ABCB7: variants seen among roughly 807,000 people sequenced by gnomAD.
ABCB7 encodes the protein ATP binding cassette subfamily B member 7.
ABCB7 carries 7 observed loss-of-function variants against 54.4 expected under a neutral mutation model. The ratio of observed to expected loss-of-function variants is 0.13; its 90% CI spans 0.07 to 0.24. ABCB7 has a LOEUF of 0.24. Ranked by LOEUF, ABCB7 falls within the 10% of genes least tolerant of loss-of-function variation. The pLI, the probability that ABCB7 is intolerant of heterozygous loss-of-function variation, is 1.00. For missense variants in ABCB7, 356 were observed against 570.4 expected, an observed-to-expected ratio of 0.62 and a Z score of 3.83; for synonymous variants, 218 against 207.1, an observed-to-expected ratio of 1.05 and a Z score of -0.45.
intron 1 of ABCB7, among the ~76,000 whole-genome samples, chrX:75,133,268 A>G (rs2081987646): frequency 8.9e-6 from 1 of 112,294 alleles, no homozygotes; most frequent in Non-Finnish European, 1.9e-5. Flanking sequence ...AAATTAACTC[A>G]GTTACACAAA....
chrX:75,083,550 G>C (rs1442264057), intron 4 of ABCB7, among the ~76,000 whole-genome samples: 1 of 110,942 alleles, frequency 9.0e-6, no homozygotes, highest in Non-Finnish European at 1.9e-5. Context: ...ACATCATCAG[G>C]CTTCTTTGAT....
chrX:75,121,093 A>G (rs952132834), intron 1 of ABCB7, among the ~76,000 whole-genome samples: 1 of 109,990 alleles, frequency 9.1e-6, no homozygotes, highest in African/African-American at 3.3e-5. Context: ...GTTTGAGACC[A>G]GCCTGGCCAA....
intron 4 of ABCB7, among the ~76,000 whole-genome samples, chrX:75,082,686 A>T (rs1156454528): frequency 8.9e-6 from 1 of 111,856 alleles, no homozygotes; most frequent in African/African-American, 3.2e-5. Flanking sequence ...TTGTAAATAT[A>T]AAGGGGGAAG....
intron 4 of ABCB7, among the ~76,000 whole-genome samples, chrX:75,098,360 AT>A: frequency 9.1e-6 from 1 of 110,177 alleles, no homozygotes; most frequent in Non-Finnish European, 1.9e-5. Flanking sequence ...CAAGGTTTTT[AT>A]TTTCTTGAAA....
At chrX:75,145,246 C>T (rs1162315177) in intron 1 of ABCB7, among the ~76,000 whole-genome samples, 1 of 111,286 alleles carries the variant, frequency 9.0e-6, no homozygotes, top group Non-Finnish European at 1.9e-5. Flanking sequence ...CAGCATCATC[C>T]TCATACCAAA....
intron 4 of ABCB7, among the ~76,000 whole-genome samples, chrX:75,095,517 C>T (rs770329156): frequency 1.7e-4 from 19 of 112,791 alleles, no homozygotes; most frequent in African/African-American, 4.5e-4. Context: ...ACGGACACTC[C>T]GCAAAGCTGT....
At chrX:75,070,710 T>C (rs753265855) in intron 9 of ABCB7, among the ~76,000 whole-genome samples, 188 bp from the exon 10 acceptor site, 1 of 111,117 alleles carries the variant, frequency 9.0e-6, no homozygotes, top group South Asian at 3.8e-4. Flanking sequence ...ACGTTAGGAA[T>C]GGGAAAGACC....
chrX:75,059,288 G>A (rs2081263973), intron 15 of ABCB7, among the ~76,000 whole-genome samples: 1 of 109,991 alleles, frequency 9.1e-6, no homozygotes, highest in Admixed American at 9.7e-5. Context: ...GACCAGCCTG[G>A]GCAACATGGT....
intron 1 of ABCB7, among the ~76,000 whole-genome samples, chrX:75,128,590 T>C: frequency 9.0e-6 from 1 of 111,638 alleles, no homozygotes; most frequent in South Asian, 3.8e-4. Context: ...AAAGCCAAAA[T>C]TGACAAATGG....
chrX:75,121,409 C>T (rs1354998780), intron 1 of ABCB7, among the ~76,000 whole-genome samples: 4 of 110,635 alleles, frequency 3.6e-5, no homozygotes, highest in Non-Finnish European at 5.7e-5. Context: ...TAGTAAAAAT[C>T]GGAGACTGGA....
intron 3 of ABCB7, among the ~76,000 whole-genome samples, chrX:75,104,665 G>A (rs886884422): frequency 2.7e-5 from 3 of 111,084 alleles, no homozygotes; most frequent in African/African-American, 6.5e-5. Flanking sequence ...AAACATTTCA[G>A]GAAGAGGGAA....
intron 15 of ABCB7, among the ~76,000 whole-genome samples, 156 bp from the exon 16 acceptor site, chrX:75,053,741 T>C (rs758369796): frequency 1.8e-5 from 2 of 112,373 alleles, no homozygotes; most frequent in Non-Finnish European, 3.8e-5. Context: ...GAAAAAAATT[T>C]AGGTAGGAAT....
chrX:75,082,316 T>C (rs1377949836), intron 4 of ABCB7, among the ~76,000 whole-genome samples: 2 of 111,845 alleles, frequency 1.8e-5, no homozygotes, highest in Non-Finnish European at 3.8e-5. Flanking sequence ...AAAAGAACTG[T>C]CAACCTAGTA....
intron 15 of ABCB7, among the ~76,000 whole-genome samples, chrX:75,054,990 G>C (rs1389892057): frequency 9.0e-6 from 1 of 111,299 alleles, no homozygotes; most frequent in Admixed American, 9.6e-5. Context: ...ACTACCACTA[G>C]TCAGATGTTG....
At chrX:75,133,843 C>A (rs1342262597) in intron 1 of ABCB7, among the ~76,000 whole-genome samples, 1 of 111,853 alleles carries the variant, frequency 8.9e-6, no homozygotes, top group South Asian at 3.7e-4. Context: ...GTGCTAAACA[C>A]GGAAACAAAA....
In ABCB7 at chrX:75,131,786, C is replaced by A. The variant is rs967763137; in HGVS notation, c.169-16955G>T. ...CCCTACTACTCCTCACTGGGTAGGGCCCTCTGACCTGGGCCCACAGCACAA... is the reference window on the plus strand; with the variant it reads ...CCCTACTACTCCTCACTGGGTAGGGACCTCTGACCTGGGCCCACAGCACAA... On this transcript the variant is annotated intron_variant, in intron 1 of 15. Coordinates refer to ENST00000373394, the MANE Select transcript of ABCB7 (RefSeq NM_001271696.3). Among the ~76,000 whole-genome samples, 3 of 111,667 alleles carry A rather than the reference C, an allele frequency of 2.7e-5. No homozygotes were observed. The Admixed American group carries it at 2.8e-4, about 11-fold the overall frequency.
chrX:75,117,887 C>T (rs1030560244), intron 1 of ABCB7, among the ~76,000 whole-genome samples: 1 of 111,844 alleles, frequency 8.9e-6, no homozygotes, highest in African/African-American at 3.3e-5. Context: ...GGAGGCAATA[C>T]TTTTCTCCCT....
intron 4 of ABCB7, among the ~76,000 whole-genome samples, chrX:75,088,906 G>A (rs1183757515): frequency 9.3e-6 from 1 of 106,995 alleles, no homozygotes; most frequent in African/African-American, 3.4e-5. Context: ...GTACAGCCTG[G>A]CATATCATAT....
At chrX:75,084,712 A>G (rs1285944489) in intron 4 of ABCB7, among the ~76,000 whole-genome samples, 1 of 111,991 alleles carries the variant, frequency 8.9e-6, no homozygotes, top group Non-Finnish European at 1.9e-5. Flanking sequence ...CTGGGAGAAA[A>G]TATCTGCAAA....
Sources: allele counts gnomAD v4.1 joint callset (sites outside exome capture counted in the v4.1 genomes callset), GRCh38; gene constraint gnomAD v4.1.1; transcripts MANE v1.5; gene names NCBI Gene and HGNC (gene_info 2026-07-23, HGNC 2026-07-21).